The following SNX24 variants were observed in gnomAD, a reference collection of about 807,000 sequenced individuals.
SNX24 encodes sorting nexin 24, also known as sorting nexin-24.
Under a neutral mutation model 28.7 loss-of-function variants are expected in SNX24, and 22 were observed. The observed-to-expected ratio is 0.77, with a 90% CI of 0.55 to 1.10. The LOEUF is 1.10. Ranked by LOEUF, SNX24 falls within the 50% of genes least tolerant of loss-of-function variation. SNX24 has a pLI of 0.00. For missense variants in SNX24, 221 were observed against 201.1 expected (o/e 1.10, Z -0.60); for synonymous variants, 69 against 71.5 (o/e 0.96, Z 0.18).
intron 1 of SNX24, among the ~76,000 whole-genome samples, chr5:122,874,788 A>G (rs1338006920): frequency 6.6e-6 from 1 of 152,218 alleles, no homozygotes; most frequent in Non-Finnish European, 1.5e-5. Context: ...ACCACGGGCT[A>G]ACCATGTGTT....
chr5:122,970,481 T>C (rs1760910584), intron 3 of SNX24, among the ~76,000 whole-genome samples: 1 of 152,070 alleles, frequency 6.6e-6, no homozygotes, highest in African/African-American at 2.4e-5. Flanking sequence ...CACAAATCTT[T>C]TTTTTGAGAC....
intron 1 of SNX24, among the ~76,000 whole-genome samples, chr5:122,874,765 G>A (rs1357507818): frequency 2.0e-5 from 3 of 152,182 alleles, no homozygotes; most frequent in African/African-American, 7.2e-5. Context: ...AACCTGGACA[G>A]GCCCCTGGCC....
chr5:122,953,463 T>A (rs1760057807), intron 3 of SNX24, among the ~76,000 whole-genome samples: 1 of 152,080 alleles, frequency 6.6e-6, no homozygotes, highest in Non-Finnish European at 1.5e-5. Flanking sequence ...GACAGAATCC[T>A]TGTAATGCCT....
intron 1 of SNX24, among the ~76,000 whole-genome samples, chr5:122,872,832 C>T (rs186232635): frequency 3.0e-4 from 44 of 146,632 alleles, no homozygotes; most frequent in Middle Eastern, 3.6e-3. Context: ...TGGAATGGGG[C>T]CAGTTCCCAC....
intron 3 of SNX24, 30 bp downstream of exon 3, chr5:122,946,189 T>C (rs1169869797): frequency 8.0e-7 from 1 of 1,252,766 alleles, no homozygotes; most frequent in Non-Finnish European, 1.2e-6. Flanking sequence ...TCATTTTATA[T>C]AACATAAATA....
intron 1 of SNX24, among the ~76,000 whole-genome samples, chr5:122,885,639 A>G (rs1398167378): frequency 6.6e-6 from 1 of 152,152 alleles, no homozygotes; most frequent in Non-Finnish European, 1.5e-5. Flanking sequence ...ACTCTGGACC[A>G]AGCAGCTCCT....
At chr5:122,949,943 A>G (rs566653782) in intron 3 of SNX24, among the ~76,000 whole-genome samples, 4 of 152,334 alleles carry the variant, frequency 2.6e-5, no homozygotes, top group Non-Finnish European at 5.9e-5. Flanking sequence ...CTACCTGATG[A>G]ACAGTGAACC....
intron 1 of SNX24, among the ~76,000 whole-genome samples, chr5:122,896,378 A>G (rs6875175): frequency 0.028 from 4,263 of 152,152 alleles, 75 homozygotes; most frequent in Middle Eastern, 0.054. Context: ...AGGTAATTCA[A>G]TTTTGCCAAC....
chr5:122,887,367 A>G (rs1256507381), intron 1 of SNX24, among the ~76,000 whole-genome samples: 3 of 152,166 alleles, frequency 2.0e-5, no homozygotes, highest in African/African-American at 7.2e-5. Flanking sequence ...ACTTTTCTCT[A>G]TCTTTACTGT....
intron 1 of SNX24, among the ~76,000 whole-genome samples, chr5:122,848,481 A>G (rs1754742958): frequency 6.6e-6 from 1 of 151,278 alleles, no homozygotes; most frequent in African/African-American, 2.4e-5. Context: ...AGGTGGGCGG[A>G]TCACTTGAGG....
intron 1 of SNX24, among the ~76,000 whole-genome samples, chr5:122,862,273 T>C (rs992102597): frequency 2.8e-4 from 42 of 152,142 alleles, no homozygotes; most frequent in African/African-American, 9.4e-4. Context: ...GTTTTTTGTT[T>C]GGTTTTGTTA....
intron 5 of SNX24, chr5:123,026,093 G>T: frequency 1.3e-6 from 1 of 779,306 alleles, no homozygotes; most frequent in Non-Finnish European, 2.0e-6. Context: ...GGGAAGACAT[G>T]TTCAAACATA....
intron 3 of SNX24, among the ~76,000 whole-genome samples, chr5:122,976,309 A>G (rs1189062540): frequency 6.6e-6 from 1 of 150,988 alleles, no homozygotes; most frequent in Non-Finnish European, 1.5e-5. Flanking sequence ...AAAAAAAAAA[A>G]ACAGGCAAAA....
chr5:122,918,336 A>T (rs1247353335), intron 1 of SNX24, among the ~76,000 whole-genome samples: 2 of 152,312 alleles, frequency 1.3e-5, no homozygotes, highest in East Asian at 3.9e-4. Context: ...TTAAGTGACC[A>T]TATAATGAAT....
chr5:122,969,093 G>A (rs138394943), intron 3 of SNX24, among the ~76,000 whole-genome samples: 104 of 152,218 alleles, frequency 6.8e-4, no homozygotes, highest in Non-Finnish European at 1.3e-3. Context: ...GTAAAATAGT[G>A]TAGTAACAGA....
At chr5:122,873,887 T>G (rs948330270) in intron 1 of SNX24, among the ~76,000 whole-genome samples, 1 of 151,116 alleles carries the variant, frequency 6.6e-6, no homozygotes, top group African/African-American at 2.4e-5. Flanking sequence ...TGCCTCAGCC[T>G]CCTGAGTAGC....
At chr5:122,863,672 C>T (rs1000920370) in intron 1 of SNX24, among the ~76,000 whole-genome samples, 2 of 152,114 alleles carry the variant, frequency 1.3e-5, no homozygotes, top group Admixed American at 6.5e-5. Context: ...TCAGGAGGCA[C>T]AGCCTCCCAA....
chr5:122,920,124 G>A (rs1263925527), intron 1 of SNX24, among the ~76,000 whole-genome samples: 1 of 152,194 alleles, frequency 6.6e-6, no homozygotes, highest in Non-Finnish European at 1.5e-5. Flanking sequence ...TTCAGGTCAA[G>A]GGAGAGAGAG....
At chr5:122,936,189 C>T (rs553762593) in intron 1 of SNX24, among the ~76,000 whole-genome samples, 6 of 152,276 alleles carry the variant, frequency 3.9e-5, no homozygotes, top group African/African-American at 9.6e-5. Context: ...TGAGCCTTTA[C>T]TACATTTTGC....
Sources: allele counts gnomAD v4.1 joint callset (sites outside exome capture counted in the v4.1 genomes callset), GRCh38; gene constraint gnomAD v4.1.1; transcripts MANE v1.5; gene names NCBI Gene and HGNC (gene_info 2026-07-23, HGNC 2026-07-21).